MGMT: variants seen among roughly 807,000 people sequenced by gnomAD.
MGMT encodes the protein O-6-methylguanine-DNA methyltransferase.
A neutral mutation model predicts 15.9 loss-of-function variants in MGMT; 14 were observed. The observed-to-expected ratio is 0.88, with a 90% CI of 0.58 to 1.37. The LOEUF (loss-of-function observed/expected upper bound fraction) is 1.37. MGMT is among the 40% of genes most tolerant of loss of function. The pLI, the probability that MGMT is intolerant of heterozygous loss-of-function variation, is 0.00. For synonymous variants in MGMT, 130 were observed against 118.2 expected (o/e 1.10, Z -0.65); for missense variants, 282 against 268.1 (o/e 1.05, Z -0.36).
At chr10:129,472,724 A>G (rs572350682) in intron 1 of MGMT, among the ~76,000 whole-genome samples, 1 of 152,330 alleles carries the variant, frequency 6.6e-6, no homozygotes, top group East Asian at 1.9e-4. Flanking sequence ...GGAGGCCTGA[A>G]TGAAGGCGGT....
chr10:129,593,093 G>C (rs1362405420), intron 2 of MGMT, among the ~76,000 whole-genome samples: 1 of 152,074 alleles, frequency 6.6e-6, no homozygotes, highest in African/African-American at 2.4e-5. Flanking sequence ...TCTTGTGTAG[G>C]GTGAGGGAGA....
intron 2 of MGMT, among the ~76,000 whole-genome samples, chr10:129,651,424 A>G (rs1219106966): frequency 1.3e-5 from 2 of 152,088 alleles, no homozygotes; most frequent in African/African-American, 2.4e-5. Context: ...AAAAAAAAGC[A>G]TTTTATAGAA....
intron 2 of MGMT, among the ~76,000 whole-genome samples, chr10:129,685,191 T>C (rs911534495): frequency 1.9e-4 from 29 of 152,236 alleles, no homozygotes; most frequent in African/African-American, 6.8e-4. Context: ...GCCATATGTG[T>C]CAAATGTATG....
At chr10:129,591,352 C>T (rs1426745918) in intron 2 of MGMT, among the ~76,000 whole-genome samples, 12 of 152,170 alleles carry the variant, frequency 7.9e-5, no homozygotes, top group African/African-American at 2.7e-4. Flanking sequence ...GTGGTCCACT[C>T]GTGCGGGAAG....
intron 2 of MGMT, among the ~76,000 whole-genome samples, chr10:129,687,848 G>GCT (rs1554877637): frequency 1.4e-5 from 2 of 148,066 alleles, no homozygotes; most frequent in Admixed American, 6.7e-5. Context: ...CCCTCCCCCA[G>GCT]CCCCCCACCC....
At chr10:129,598,280 A>C (rs939203404) in intron 2 of MGMT, among the ~76,000 whole-genome samples, 1 of 151,946 alleles carries the variant, frequency 6.6e-6, no homozygotes, top group Non-Finnish European at 1.5e-5. Context: ...CTGAGATTGA[A>C]CCCTGCGTGG....
At chr10:129,541,714 A>G (rs938032022) in intron 2 of MGMT, among the ~76,000 whole-genome samples, 1 of 152,176 alleles carries the variant, frequency 6.6e-6, no homozygotes, top group Non-Finnish European at 1.5e-5. Flanking sequence ...TCAGAAAAAT[A>G]TAGGAAAAGC....
At chr10:129,510,853 A>G (rs1338660372) in intron 1 of MGMT, among the ~76,000 whole-genome samples, 2 of 151,364 alleles carry the variant, frequency 1.3e-5, no homozygotes, top group African/African-American at 4.9e-5. Context: ...ATGCAGTAGG[A>G]ACCCCATATA....
At chr10:129,747,219 T>C (rs1043583556) in intron 3 of MGMT, among the ~76,000 whole-genome samples, 1 of 152,212 alleles carries the variant, frequency 6.6e-6, no homozygotes, top group African/African-American at 2.4e-5. Context: ...TAGACAATTA[T>C]GTTGTCTGCA....
At chr10:129,688,221 G>A (rs1847931521) in intron 2 of MGMT, among the ~76,000 whole-genome samples, 1 of 152,170 alleles carries the variant, frequency 6.6e-6, no homozygotes, top group Admixed American at 6.5e-5. Context: ...TGGGTTGGCT[G>A]GGCCAAATGG....
intron 1 of MGMT, among the ~76,000 whole-genome samples, chr10:129,510,464 G>A (rs1023740464): frequency 6.6e-6 from 1 of 152,114 alleles, no homozygotes; most frequent in Non-Finnish European, 1.5e-5. Context: ...CGTGTCTTGG[G>A]GAAAACACTG....
chr10:129,658,225 G>A (rs983618474), intron 2 of MGMT, among the ~76,000 whole-genome samples: 22 of 152,194 alleles, frequency 1.4e-4, no homozygotes, highest in African/African-American at 5.1e-4. Context: ...ACAGGTGATT[G>A]CCCTGGAGGT....
intron 2 of MGMT, among the ~76,000 whole-genome samples, chr10:129,688,508 C>T (rs1847935348): frequency 6.6e-6 from 1 of 152,188 alleles, no homozygotes; most frequent in African/African-American, 2.4e-5. Context: ...AGTCTCTGTT[C>T]ATATCCTTCA....
chr10:129,474,682 G>A (rs1004476175), intron 1 of MGMT, among the ~76,000 whole-genome samples: 4 of 152,198 alleles, frequency 2.6e-5, no homozygotes, highest in African/African-American at 4.8e-5. Flanking sequence ...CAACCTGTAC[G>A]TCCTGCAGGA....
intron 1 of MGMT, among the ~76,000 whole-genome samples, chr10:129,511,888 C>T (rs973793859): frequency 7.2e-5 from 11 of 152,314 alleles, no homozygotes; most frequent in African/African-American, 1.9e-4. Context: ...CAGCACTGGC[C>T]GCTGTGGAGG....
At chr10:129,644,323 A>G (rs1847360946) in intron 2 of MGMT, among the ~76,000 whole-genome samples, 1 of 152,190 alleles carries the variant, frequency 6.6e-6, no homozygotes, top group Non-Finnish European at 1.5e-5. Context: ...AAAAAGTGAC[A>G]ATGGCAGTAC....
intron 2 of MGMT, among the ~76,000 whole-genome samples, chr10:129,569,395 C>T (rs936467880): frequency 3.3e-5 from 5 of 152,280 alleles, no homozygotes; most frequent in East Asian, 3.9e-4. Context: ...GCCTTGTCCT[C>T]GGGTTAGCTG....
At chr10:129,755,722 G>A (rs780008808) in intron 3 of MGMT, among the ~76,000 whole-genome samples, 1 of 152,244 alleles carries the variant, frequency 6.6e-6, no homozygotes, top group Non-Finnish European at 1.5e-5. Flanking sequence ...CCAGCTGCCT[G>A]GCCAGCTCTG....
chr10:129,549,586 C>T (rs1846133323), intron 2 of MGMT, among the ~76,000 whole-genome samples: 1 of 152,158 alleles, frequency 6.6e-6, no homozygotes, highest in African/African-American at 2.4e-5. Context: ...GTTTTCTTCT[C>T]TTTCTCTTTT....
Sources: gnomAD v4.1 joint callset for allele counts (sites outside exome capture counted in the v4.1 genomes callset) on GRCh38, gnomAD v4.1.1 for gene constraint, MANE v1.5 for transcripts, NCBI Gene and HGNC (gene_info 2026-07-23, HGNC 2026-07-21) for gene names.